FAM13A: variants seen among roughly 807,000 people sequenced by gnomAD.
FAM13A encodes family with sequence similarity 13 member A.
A neutral mutation model predicts 129.6 loss-of-function variants in FAM13A; 76 were observed. The observed-to-expected ratio is 0.59, with a 90% confidence interval of 0.49 to 0.71. FAM13A has a LOEUF of 0.71. Among genes scored for constraint, FAM13A ranks in the 30% least tolerant of loss-of-function variants. The probability of loss-of-function intolerance (pLI) is 0.00; values close to 1 mark genes in which losing one functional copy is unlikely to be tolerated. For missense variants in FAM13A, 1,108 were observed against 1,249.3 expected (o/e 0.89, Z 1.70); for synonymous variants, 443 against 449.9 (o/e 0.98, Z 0.20).
At chr4:88,980,666 A>T (rs1761547245) in intron 4 of FAM13A, among the ~76,000 whole-genome samples, 1 of 152,208 alleles carries the variant, frequency 6.6e-6, no homozygotes, top group African/African-American at 2.4e-5. Flanking sequence ...TAAATATGTG[A>T]TCCTACAGCT....
At chr4:89,032,054 C>T (rs935552184) in intron 1 of FAM13A, among the ~76,000 whole-genome samples, 1 of 151,720 alleles carries the variant, frequency 6.6e-6, no homozygotes, top group African/African-American at 2.4e-5. Context: ...CCCATCTCTA[C>T]TAAAAATACA....
chr4:88,970,433 TGAGA>T (rs199882814), intron 4 of FAM13A, among the ~76,000 whole-genome samples: 4 of 150,820 alleles, frequency 2.7e-5, no homozygotes, highest in Non-Finnish European at 4.4e-5. Flanking sequence ...AGAGATGATC[TGAGA>T]GAGAGAGATA....
chr4:88,768,851 C>T (rs1229507354), intron 11 of FAM13A, among the ~76,000 whole-genome samples: 1 of 152,088 alleles, frequency 6.6e-6, no homozygotes, highest in East Asian at 1.9e-4. Context: ...TCTTTGACTG[C>T]CTCTGTGAAT....
chr4:88,794,892 T>C (rs533648904), intron 8 of FAM13A, among the ~76,000 whole-genome samples: 6 of 151,852 alleles, frequency 4.0e-5, no homozygotes, highest in African/African-American at 7.2e-5. Context: ...TACGATAAGT[T>C]GATATGCAGC....
chr4:88,860,158 GTACT>G (rs1167178169), intron 6 of FAM13A, among the ~76,000 whole-genome samples: 1 of 152,062 alleles, frequency 6.6e-6, no homozygotes, highest in Non-Finnish European at 1.5e-5. Flanking sequence ...GTTTTTCTGA[GTACT>G]TATTAAATAA....
chr4:88,888,814 C>T (rs1269169193), intron 6 of FAM13A, among the ~76,000 whole-genome samples: 1 of 150,904 alleles, frequency 6.6e-6, no homozygotes, highest in African/African-American at 2.4e-5. Flanking sequence ...CGGGTACCTG[C>T]AGTCCCAGCT....
At chr4:88,926,231 C>A (rs1017021963) in intron 5 of FAM13A, among the ~76,000 whole-genome samples, 2 of 152,102 alleles carry the variant, frequency 1.3e-5, no homozygotes, top group African/African-American at 2.4e-5. Flanking sequence ...GCTTACCCCC[C>A]ATCCCTGGAA....
intron 1 of FAM13A, among the ~76,000 whole-genome samples, chr4:89,055,040 T>C (rs546547894): frequency 9.2e-5 from 14 of 152,336 alleles, no homozygotes; most frequent in African/African-American, 3.4e-4. Context: ...CTCATATCCA[T>C]ATACATATTA....
At chr4:88,822,928 C>T (rs747352660) in intron 7 of FAM13A, 6 of 1,602,404 alleles carry the variant, frequency 3.7e-6, no homozygotes, top group Admixed American at 1.7e-5. Flanking sequence ...TGGCTTGATA[C>T]AACTCAAAAA....
intron 15 of FAM13A, among the ~76,000 whole-genome samples, chr4:88,750,180 A>G (rs1340019024): frequency 6.6e-6 from 1 of 152,174 alleles, no homozygotes; most frequent in Non-Finnish European, 1.5e-5. Context: ...GGCCTACAAG[A>G]GCTGAATTGG....
chr4:88,977,520 G>GA (rs914934893), intron 4 of FAM13A, among the ~76,000 whole-genome samples: 139 of 150,562 alleles, frequency 9.2e-4, no homozygotes, highest in African/African-American at 2.3e-3. Context: ...AGATTACTAG[G>GA]AAAAAAAAAT....
intron 7 of FAM13A, among the ~76,000 whole-genome samples, chr4:88,807,543 CTTAT>C (rs1207093569): frequency 6.6e-6 from 1 of 152,110 alleles, no homozygotes; most frequent in African/African-American, 2.4e-5. Flanking sequence ...ATTTTTCTTA[CTTAT>C]TGTTTTCCCT....
chr4:89,042,725 A>C (rs542778779), intron 1 of FAM13A, among the ~76,000 whole-genome samples: 1 of 151,024 alleles, frequency 6.6e-6, no homozygotes, highest in Admixed American at 6.6e-5. Flanking sequence ...AAAGATTTTT[A>C]AAAGATAATC....
At chr4:89,036,866 T>C (rs546461577) in intron 1 of FAM13A, among the ~76,000 whole-genome samples, 1 of 152,346 alleles carries the variant, frequency 6.6e-6, no homozygotes, top group Non-Finnish European at 1.5e-5. Flanking sequence ...CCATAAGCCT[T>C]GGTGGCTGCC....
chr4:88,823,339 C>T (rs1024619935), intron 7 of FAM13A: 7 of 1,099,110 alleles, frequency 6.4e-6, no homozygotes, highest in Non-Finnish European at 7.8e-6. Flanking sequence ...CTCCCCCGCA[C>T]CCTACTCCTT....
At chr4:88,939,701 T>C (rs573968630) in intron 4 of FAM13A, among the ~76,000 whole-genome samples, 2 of 152,266 alleles carry the variant, frequency 1.3e-5, no homozygotes, top group African/African-American at 4.8e-5. Context: ...TGTGTCACAA[T>C]GGATGAAACT....
At position 88,750,435 on chromosome 4, in the gene FAM13A, A is replaced by G. The variant is rs1742324812; in HGVS notation, c.1929T>C (p.His643=). The G allele has an allele frequency of 1.2e-6, 2 of 1,613,546 alleles. No homozygotes were observed. Among genetic ancestry groups the G allele is most frequent in the Non-Finnish European group, 1.7e-6 (2 of 1,179,546 alleles). Residue 643 remains histidine (H), a synonymous_variant, in exon 15 of 24, where the codon CAT becomes CAC. Coordinates refer to ENST00000264344, the MANE Select transcript of FAM13A (RefSeq NM_014883.4). ...ACAGAGAAACATACCTCATGAAAGA[A>G]TGGGAGTTTGGTGGGGAAGGAGGCA... ...TEVPPSPPNS[H]SFMRRRSSSL...
intron 19 of FAM13A, among the ~76,000 whole-genome samples, chr4:88,739,786 CAAA>C (rs34007551): frequency 4.4e-5 from 3 of 67,928 alleles, no homozygotes; most frequent in African/African-American, 5.7e-5. Context: ...GACTCTGTCT[CAAA>C]AAAAAAAAAA....
intron 7 of FAM13A, among the ~76,000 whole-genome samples, chr4:88,805,315 C>T (rs1274266099): frequency 3.3e-5 from 5 of 152,194 alleles, no homozygotes; most frequent in Admixed American, 3.3e-4. Context: ...AAGCTTTTTA[C>T]TGCCTTATTC....
Sources: gnomAD v4.1 joint callset for allele counts (sites outside exome capture counted in the v4.1 genomes callset) on GRCh38, gnomAD v4.1.1 for gene constraint, MANE v1.5 for transcripts, NCBI Gene and HGNC (gene_info 2026-07-23, HGNC 2026-07-21) for gene names.